ZPLD1: variants seen among roughly 807,000 people sequenced by gnomAD.
The protein encoded by ZPLD1 is zona pellucida-like domain-containing protein 1.
In ZPLD1, 34 loss-of-function variants were observed where a neutral mutation model predicts 47.2. The observed-to-expected ratio is 0.72, with a 90% CI of 0.55 to 0.96. The LOEUF (loss-of-function observed/expected upper bound fraction) is 0.96. ZPLD1 is among the 40% of genes least tolerant of loss of function. The probability of loss-of-function intolerance (pLI) is 0.00; values close to 1 mark genes in which losing one functional copy is unlikely to be tolerated. For missense variants in ZPLD1, 512 were observed against 505.8 expected, an observed-to-expected ratio of 1.01 and a Z score of -0.12; for synonymous variants, 176 against 186.2, an observed-to-expected ratio of 0.95 and a Z score of 0.45.
intron 7 of ZPLD1, among the ~76,000 whole-genome samples, chr3:102,396,771 C>T (rs1470785563): frequency 6.6e-6 from 1 of 152,118 alleles, no homozygotes; most frequent in East Asian, 1.9e-4. Flanking sequence ...TTTCCACCAG[C>T]TATACTGAAC....
intron 7 of ZPLD1, among the ~76,000 whole-genome samples, chr3:102,410,355 T>C (rs1462132674): frequency 4.0e-5 from 6 of 151,798 alleles, no homozygotes; most frequent in Non-Finnish European, 8.8e-5. Context: ...ACTTTACTTT[T>C]GTTTTTCTAT....
At chr3:102,408,311 C>G (rs1706714924) in intron 7 of ZPLD1, among the ~76,000 whole-genome samples, 2 of 151,810 alleles carry the variant, frequency 1.3e-5, no homozygotes, top group African/African-American at 4.8e-5. Flanking sequence ...CTCCATTTCT[C>G]AGGAAGACAG....
At chr3:102,435,264 A>G (rs1442682502) in intron 1 of ZPLD1, 110 bp downstream of exon 1, 1 of 1,213,774 alleles carries the variant, frequency 8.2e-7, no homozygotes, top group Non-Finnish European at 1.2e-6. Context: ...CCAAGACTAT[A>G]GAGATTCAAA....
chr3:102,456,545 A>ATATATATC lies in ZPLD1; in HGVS notation c.509+174_509+175insATATCTAT, dbSNP rs147808575. 7.3e-3 allele frequency among the ~76,000 whole-genome samples: 1,074 copies of ATATATATC among 147,144 alleles called. 4 individuals carry two copies. The highest frequency in any genetic ancestry group is 0.011 in the Non-Finnish European group (725 of 67,152). On this transcript the variant is annotated intron_variant, in intron 5 of 11. Coordinates refer to ENST00000466937, the MANE Select transcript of ZPLD1 (RefSeq NM_001329788.2). ...ATTTACCTCTATCTGTTTATCTATTATATCTATCTATCTATCTATCTATCT... is the reference window on the plus strand; with the variant it reads ...ATTTACCTCTATCTGTTTATCTATTATATATATCTATCTATCTATCTATCTATCTATCT...
intron 11 of ZPLD1, 44 bp downstream of exon 11, chr3:102,477,085 T>C (rs1707769730): frequency 3.7e-6 from 6 of 1,604,406 alleles, no homozygotes; most frequent in South Asian, 2.2e-5. Context: ...ACATTTTTGG[T>C]GATCAGTTAC....
intron 7 of ZPLD1, among the ~76,000 whole-genome samples, chr3:102,402,570 C>G (rs1465030676): frequency 2.6e-5 from 4 of 151,948 alleles, no homozygotes; most frequent in Non-Finnish European, 5.9e-5. Context: ...CCAAGTAGCT[C>G]AGTCTATTTA....
chr3:102,469,807 C>T (rs1707653888), intron 9 of ZPLD1, among the ~76,000 whole-genome samples: 1 of 152,070 alleles, frequency 6.6e-6, no homozygotes, highest in Non-Finnish European at 1.5e-5. Context: ...ATACAGCCAC[C>T]ATTAAAATAA....
intron 10 of ZPLD1, among the ~76,000 whole-genome samples, chr3:102,470,980 T>C (rs144248188): frequency 0.01 from 1,563 of 152,218 alleles, 30 homozygotes; most frequent in African/African-American, 0.036. Context: ...GGTTTCACCA[T>C]GTTGCTCAGG....
upstream of ZPLD1, among the ~76,000 whole-genome samples, chr3:102,433,219 A>G (rs1256246675): frequency 1.3e-5 from 2 of 152,218 alleles, no homozygotes; most frequent in African/African-American, 4.8e-5. Context: ...GAAATTGCCA[A>G]ATTTCCATTT....
At chr3:102,438,025 T>A (rs1707117972) in intron 2 of ZPLD1, among the ~76,000 whole-genome samples, 1 of 152,224 alleles carries the variant, frequency 6.6e-6, no homozygotes, top group Non-Finnish European at 1.5e-5. Context: ...TATTTGGTCA[T>A]TAAGATTATT....
In ZPLD1 at chr3:102,479,802, TAA is replaced by T. The variant is rs1448859756; in HGVS notation, c.*2187_*2188del. 1 of 152,202 alleles carries T rather than the reference TAA, an allele frequency of 6.6e-6. No individual in the cohort carries two copies. Among genetic ancestry groups the T allele is most frequent in the Non-Finnish European group, 1.5e-5 (1 of 68,022 alleles). The allele number at this position is 152,202 out of a possible 1,614,324, so 9.4% of individuals were successfully genotyped here. On this transcript the variant is annotated 3_prime_UTR_variant, in exon 12 of 12. Transcript: ENST00000466937. ...TTCAGGGGTAAGGTCTGATGACATG[TAA>T]AAGATGATCGTTTAATAAAATAATT...
chr3:102,453,427 G>A (rs1420049680), intron 4 of ZPLD1, among the ~76,000 whole-genome samples: 2 of 152,136 alleles, frequency 1.3e-5, no homozygotes, highest in African/African-American at 2.4e-5. Flanking sequence ...CTACAGTTTA[G>A]CATTAGCCAT....
intron 7 of ZPLD1, among the ~76,000 whole-genome samples, chr3:102,410,424 C>T (rs759853151): frequency 6.6e-6 from 1 of 151,606 alleles, no homozygotes; most frequent in African/African-American, 2.4e-5. Context: ...CTCATGAAAG[C>T]CTGAAATTCT....
At chr3:102,390,320 C>G (rs1003718357) in intron 6 of ZPLD1, among the ~76,000 whole-genome samples, 1 of 152,150 alleles carries the variant, frequency 6.6e-6, no homozygotes, top group African/African-American at 2.4e-5. Flanking sequence ...TTAAGTTTCT[C>G]CGTTTTAGAA....
intron 4 of ZPLD1, among the ~76,000 whole-genome samples, chr3:102,454,969 C>T (rs774211430): frequency 2.6e-5 from 4 of 152,166 alleles, no homozygotes; most frequent in Non-Finnish European, 4.4e-5. Flanking sequence ...GGAAGATTTG[C>T]TTATCTTTCA....
chr3:102,451,995 A>G (rs1354765923), intron 3 of ZPLD1, among the ~76,000 whole-genome samples: 1 of 152,048 alleles, frequency 6.6e-6, no homozygotes, highest in Non-Finnish European at 1.5e-5. Context: ...GCAATTACCA[A>G]AACTGATGAA....
At position 102,470,404 on chromosome 3, in the gene ZPLD1, A is replaced by G. The variant is rs750342360; in HGVS notation, c.944A>G (p.His315Arg). Residue 315 changes from histidine to arginine, a missense_variant, in exon 10 of 12, where the codon CAC becomes CGC. Physicochemically the swap from His to Arg is conservative, Grantham distance 29. Coordinates refer to ENST00000466937, the MANE Select transcript of ZPLD1 (RefSeq NM_001329788.2). Reference protein sequence around the residue: ...DCPFLMPICSHRERRDAGRRT... With the variant: ...DCPFLMPICSRRERRDAGRRT... ...TCATTAACACCTCAGATTTGCAGCCACAGAGAAAGGAGAGATGCTGGGAGG... is the reference window on the plus strand; with the variant it reads ...TCATTAACACCTCAGATTTGCAGCCGCAGAGAAAGGAGAGATGCTGGGAGG... 6.2e-7 allele frequency: 1 copy of G among 1,614,042 alleles called. No homozygotes were observed. Among genetic ancestry groups the G allele is most frequent in the South Asian group, 1.1e-5 (1 of 91,060 alleles).
In ZPLD1 at chr3:102,468,996, AGAAT is replaced by A; in HGVS notation, c.796_799del (p.Asn266AlafsTer16). The stretch of plus-strand genomic sequence containing the variant: ...AAGGACCCTCAGACCACCGTCATTG[AGAAT>A]GGCCGAAGCCAGCGGGGCCGGTTTT... On this transcript the variant is annotated frameshift_variant, in exon 9 of 12. Transcript: ENST00000466937. LOFTEE classifies it high-confidence loss of function. 1 of 1,613,982 alleles carries A rather than the reference AGAAT, an allele frequency of 6.2e-7. No individual in the cohort carries two copies. Among genetic ancestry groups the A allele is most frequent in the Admixed American group, 1.7e-5 (1 of 59,968 alleles).
chr3:102,466,528 A>C (rs1005415329), intron 8 of ZPLD1, among the ~76,000 whole-genome samples: 1 of 152,238 alleles, frequency 6.6e-6, no homozygotes, highest in Non-Finnish European at 1.5e-5. Flanking sequence ...AATTTTTAAA[A>C]AGCAAAAAGC....
Sources: allele counts gnomAD v4.1 joint callset (sites outside exome capture counted in the v4.1 genomes callset), GRCh38; gene constraint gnomAD v4.1.1; transcripts MANE v1.5; gene names NCBI Gene and HGNC (gene_info 2026-07-23, HGNC 2026-07-21).